The following CLCA4 variants were observed in gnomAD, a reference collection of about 807,000 sequenced individuals.
The protein encoded by CLCA4 is calcium-activated chloride channel regulator 4.
CLCA4 carries 69 observed loss-of-function variants against 78.9 expected under a neutral mutation model. That is an observed-to-expected ratio of 0.87 (90% CI 0.72 to 1.07). The LOEUF (loss-of-function observed/expected upper bound fraction) is 1.07. CLCA4 is among the 50% of genes least tolerant of loss of function. The pLI is 0.00. For synonymous variants in CLCA4, 362 were observed against 375.8 expected (o/e 0.96, Z 0.42); for missense variants, 1,133 against 1,095.8 (o/e 1.03, Z -0.48).
chr1:86,575,002 G>T (rs953262890), intron 10 of CLCA4, among the ~76,000 whole-genome samples: 2 of 152,040 alleles, frequency 1.3e-5, no homozygotes, highest in African/African-American at 4.8e-5. Context: ...TGTAGGAAGA[G>T]TCTATGCAAA....
intron 1 of CLCA4, among the ~76,000 whole-genome samples, chr1:86,555,609 T>G (rs545084331): frequency 6.6e-6 from 1 of 152,290 alleles, no homozygotes; most frequent in Admixed American, 6.5e-5. Context: ...ATCCCTGTAG[T>G]GTAGTTTGAA....
intron 1 of CLCA4, among the ~76,000 whole-genome samples, chr1:86,548,509 C>T (rs1030453361): frequency 2.0e-5 from 3 of 151,582 alleles, no homozygotes; most frequent in Non-Finnish European, 4.4e-5. Context: ...GTTGAAACTC[C>T]GCCTTCACTA....
chr1:86,553,243 G>A (rs901928141), intron 1 of CLCA4: 2 of 981,374 alleles, frequency 2.0e-6, no homozygotes, highest in South Asian at 2.7e-5. Context: ...AGGGACTGCC[G>A]CTGCAAGCTG....
At position 86,569,020 on chromosome 1, in the gene CLCA4, C is replaced by T. The variant is rs1393987765; in HGVS notation, c.1182+1369C>T. The stretch of plus-strand genomic sequence containing the variant: ...TAATTAAAGCTAGCACATAGGGTTG[C>T]TCATGTTTTAATTTATTCAAAATAT... On this transcript the variant is annotated intron_variant, in intron 7 of 13. Coordinates refer to ENST00000370563, the MANE Select transcript of CLCA4 (RefSeq NM_012128.4). Among the ~76,000 whole-genome samples the T allele has an allele frequency of 1.3e-5, 2 of 152,064 alleles. 1 individual carries two copies. The highest frequency in any genetic ancestry group is 2.9e-5 in the Non-Finnish European group (2 of 67,956).
Position 86,547,222 on chromosome 1 carries a change from G to A in CLCA4, c.103G>A (p.Val35Ile). 1 of 1,611,220 alleles carries A rather than the reference G, an allele frequency of 6.2e-7. No homozygotes were observed. The highest frequency in any genetic ancestry group is 8.5e-7 in the Non-Finnish European group (1 of 1,178,896). ...KLNNNGFEDI[V>I]IVIDPSVPED... ...GAATAATAATGGCTTTGAAGATATT[G>A]TCATTGTTATAGATCCTAGTGTGCC... Residue 35 changes from valine to isoleucine, a missense_variant, in exon 1 of 14, where the codon GTC becomes ATC. By Grantham distance (29) the Val-to-Ile change is conservative (BLOSUM62 3). Transcript: ENST00000370563.
chr1:86,552,892 G>A (rs1649709075), intron 1 of CLCA4: 2 of 695,418 alleles, frequency 2.9e-6, no homozygotes, highest in African/African-American at 3.5e-5. Context: ...CTGTTTTCTT[G>A]AGGGCCATCC....
At chr1:86,562,200 C>T (rs542755105) in intron 3 of CLCA4, among the ~76,000 whole-genome samples, 2 of 152,302 alleles carry the variant, frequency 1.3e-5, no homozygotes, top group East Asian at 3.9e-4. Flanking sequence ...GTCAAAAGGG[C>T]TGCTTTTAAG....
At chr1:86,550,090 C>T (rs1056870629) in intron 1 of CLCA4, among the ~76,000 whole-genome samples, 6 of 152,282 alleles carry the variant, frequency 3.9e-5, no homozygotes, top group Middle Eastern at 3.4e-3. Flanking sequence ...CTACTGTGTT[C>T]TGCTGCTTAT....
chr1:86,563,719 T>C lies in CLCA4; in HGVS notation c.507T>C (p.Asn169=). Residue 169 remains asparagine (N), a synonymous_variant, in exon 4 of 14, where the codon AAT becomes AAC. Transcript: ENST00000370563. ...HLRWGVFDEY[N]EDQPFYRAKS... ...GGTGGGGAGTGTTTGATGAGTACAA[T>C]GAAGATCAGCCTTTCTACCGTGCTA... The C allele has an allele frequency of 6.2e-7, 1 of 1,610,968 alleles. No homozygotes were observed. The highest frequency in any genetic ancestry group is 8.5e-7 in the Non-Finnish European group (1 of 1,178,168).
intron 1 of CLCA4, chr1:86,552,871 G>C (rs79435861): frequency 0.018 from 12,719 of 719,470 alleles, 183 homozygotes; most frequent in Non-Finnish European, 0.022. Flanking sequence ...AGTGATTTGC[G>C]AAAGCTTCCT....
chr1:86,576,165 T>G (rs1022272190), intron 11 of CLCA4, among the ~76,000 whole-genome samples: 6 of 152,024 alleles, frequency 3.9e-5, no homozygotes, highest in Admixed American at 3.9e-4. Context: ...TTGTTTGTTT[T>G]TTTTGTTTTT....
At chr1:86,573,518 A>G (rs1650415910) in intron 9 of CLCA4, among the ~76,000 whole-genome samples, 1 of 151,192 alleles carries the variant, frequency 6.6e-6, no homozygotes, top group East Asian at 1.9e-4. Context: ...CACTGCCTAT[A>G]TTAAAACTTG....
intron 8 of CLCA4, 139 bp downstream of exon 8, chr1:86,571,393 C>A: frequency 2.9e-6 from 2 of 689,774 alleles, no homozygotes; most frequent in South Asian, 2.5e-5. Flanking sequence ...TCTCGTGGCA[C>A]TTGGAGTCCA....
At chr1:86,560,590 G>A (rs1005902595) in intron 3 of CLCA4, among the ~76,000 whole-genome samples, 4 of 152,100 alleles carry the variant, frequency 2.6e-5, no homozygotes, top group African/African-American at 9.7e-5. Flanking sequence ...CATTAAACTA[G>A]AGAATCCAGA....
At chr1:86,553,922 C>A (rs955855965) in intron 1 of CLCA4, among the ~76,000 whole-genome samples, 8 of 151,798 alleles carry the variant, frequency 5.3e-5, no homozygotes, top group African/African-American at 1.9e-4. Context: ...GGAGACAGAG[C>A]AAGACTCTGT....
chr1:86,573,531 A>G (rs1477099876), intron 9 of CLCA4, among the ~76,000 whole-genome samples: 2 of 151,164 alleles, frequency 1.3e-5, no homozygotes, highest in African/African-American at 2.4e-5. Flanking sequence ...AAAACTTGCC[A>G]TGATCCCTAA....
intron 7 of CLCA4, 135 bp downstream of exon 7, chr1:86,567,786 T>C (rs147827914): frequency 3.4e-5 from 23 of 674,462 alleles, no homozygotes; most frequent in African/African-American, 1.8e-4. Context: ...ACTAAGCATA[T>C]AGAAAAAAGT....
At chr1:86,559,515 C>T (rs1182781978) in intron 1 of CLCA4, among the ~76,000 whole-genome samples, 2 of 152,052 alleles carry the variant, frequency 1.3e-5, no homozygotes, top group African/African-American at 2.4e-5. Flanking sequence ...ATCTCTATGC[C>T]AACCATACTG....
chr1:86,577,744 A>T (rs1412697911), intron 11 of CLCA4, among the ~76,000 whole-genome samples, 158 bp from the exon 12 acceptor site: 1 of 152,110 alleles, frequency 6.6e-6, no homozygotes. Context: ...ATTCTACAAT[A>T]TATTGTTTTG....
Sources: gnomAD v4.1 joint callset for allele counts (sites outside exome capture counted in the v4.1 genomes callset) on GRCh38, gnomAD v4.1.1 for gene constraint, MANE v1.5 for transcripts, NCBI Gene and HGNC (gene_info 2026-07-23, HGNC 2026-07-21) for gene names.